The following PHF14 variants were observed in gnomAD, a reference collection of about 807,000 sequenced individuals.
PHF14 encodes PHD finger protein 14.
In PHF14, 55 loss-of-function variants were observed where a neutral mutation model predicts 117.9. The observed-to-expected ratio is 0.47, with a 90% CI of 0.38 to 0.58. The LOEUF (loss-of-function observed/expected upper bound fraction) is 0.58, where lower values mean the gene tolerates loss of function less well. PHF14 is among the 20% of genes least tolerant of loss of function. The probability of loss-of-function intolerance (pLI) is 0.00; values close to 1 mark genes in which losing one functional copy is unlikely to be tolerated. For synonymous variants in PHF14, 409 were observed against 368.6 expected (o/e 1.11, Z -1.26); for missense variants, 978 against 1,122.2 (o/e 0.87, Z 1.84).
At chr7:10,990,918 G>A in intron 4 of PHF14, 71 bp downstream of exon 4, 1 of 1,043,258 alleles carries the variant, frequency 9.6e-7, no homozygotes, top group African/African-American at 1.6e-5. Flanking sequence ...TACTAAGGTG[G>A]TTCTACAATA....
chr7:11,067,367 T>G (rs1004544075), intron 16 of PHF14, among the ~76,000 whole-genome samples: 10 of 152,180 alleles, frequency 6.6e-5, no homozygotes, highest in Non-Finnish European at 1.5e-4. Context: ...CAATTGCCCT[T>G]GGGAATATAA....
chr7:11,008,363 G>A (rs1448902033), intron 4 of PHF14, among the ~76,000 whole-genome samples: 1 of 152,178 alleles, frequency 6.6e-6, no homozygotes, highest in African/African-American at 2.4e-5. Flanking sequence ...CAACCAGGTG[G>A]TACTGGTCCT....
intron 17 of PHF14, among the ~76,000 whole-genome samples, chr7:11,148,259 A>T (rs544386987): frequency 6.6e-6 from 1 of 152,344 alleles, no homozygotes; most frequent in Admixed American, 6.5e-5. Flanking sequence ...TAAACCCTCC[A>T]GTGGCTTCTC....
At chr7:11,112,350 A>G (rs1787474779) in intron 17 of PHF14, among the ~76,000 whole-genome samples, 2 of 152,208 alleles carry the variant, frequency 1.3e-5, no homozygotes, top group Non-Finnish European at 2.9e-5. Flanking sequence ...TTCTTTTATC[A>G]TTAACTAAAA....
chr7:11,117,546 G>T (rs534953406), intron 17 of PHF14, among the ~76,000 whole-genome samples: 6 of 117,608 alleles, frequency 5.1e-5, no homozygotes, highest in African/African-American at 1.9e-4. Flanking sequence ...TTTCTGCATT[G>T]AAATAAATTC....
chr7:11,056,023 T>C (rs941020034), intron 14 of PHF14, among the ~76,000 whole-genome samples: 15 of 152,290 alleles, frequency 9.8e-5, no homozygotes, highest in Non-Finnish European at 1.9e-4. Context: ...AGTTTTCTAT[T>C]ATCAGACTCA....
At chr7:11,005,576 G>A (rs1305300977) in intron 4 of PHF14, among the ~76,000 whole-genome samples, 1 of 151,956 alleles carries the variant, frequency 6.6e-6, no homozygotes, top group Non-Finnish European at 1.5e-5. Context: ...TCTACAACTT[G>A]CTTTGTTTCA....
At chr7:10,985,705 T>A (rs1331954231) in intron 3 of PHF14, among the ~76,000 whole-genome samples, 1 of 122,648 alleles carries the variant, frequency 8.2e-6, no homozygotes, top group Non-Finnish European at 1.6e-5. Context: ...TAGGCTGGAG[T>A]ACAGTGGCAT....
intron 1 of PHF14, 49 bp from the exon 2 acceptor site, chr7:10,974,784 CCT>C: frequency 6.5e-6 from 6 of 917,250 alleles, no homozygotes; most frequent in South Asian, 3.0e-5. Flanking sequence ...ACAACTCTCC[CCT>C]GTGTTTGGTG....
intron 14 of PHF14, among the ~76,000 whole-genome samples, chr7:11,056,900 A>G (rs973784123): frequency 6.6e-6 from 1 of 151,396 alleles, no homozygotes; most frequent in African/African-American, 2.4e-5. Flanking sequence ...TTTATTCCCC[A>G]GCATAAATCT....
chr7:11,067,149 G>A (rs927934797), intron 16 of PHF14, among the ~76,000 whole-genome samples: 1 of 152,062 alleles, frequency 6.6e-6, no homozygotes, highest in Non-Finnish European at 1.5e-5. Flanking sequence ...AATGGGCATA[G>A]GACTTGAAAA....
chr7:10,986,121 A>G (rs1423593776), intron 3 of PHF14, among the ~76,000 whole-genome samples: 2 of 151,232 alleles, frequency 1.3e-5, no homozygotes, highest in African/African-American at 2.4e-5. Flanking sequence ...GGTGTACGAC[A>G]ACGACTGGCT....
At chr7:11,152,668 TCTG>T (rs1231672912) in intron 17 of PHF14, among the ~76,000 whole-genome samples, 7 of 152,010 alleles carry the variant, frequency 4.6e-5, no homozygotes, top group Admixed American at 3.9e-4. Flanking sequence ...AAACAGAAAA[TCTG>T]CTGTCGTGGA....
At chr7:11,069,843 CTAT>C (rs1400715136) in intron 16 of PHF14, among the ~76,000 whole-genome samples, 4 of 147,836 alleles carry the variant, frequency 2.7e-5, no homozygotes, top group African/African-American at 1.0e-4. Flanking sequence ...CCCAGCTGTT[CTAT>C]TATTTATTTA....
At chr7:10,990,608 TATA>T (rs564758444) in intron 3 of PHF14, 92 bp from the exon 4 acceptor site, 599 of 698,720 alleles carry the variant, frequency 8.6e-4, no homozygotes, top group Admixed American at 1.4e-3. Flanking sequence ...TGGAAATGCA[TATA>T]ATAATGTTTA....
intron 2 of PHF14, among the ~76,000 whole-genome samples, chr7:10,981,957 A>G (rs1459510349): frequency 2.6e-5 from 4 of 152,194 alleles, no homozygotes; most frequent in Non-Finnish European, 5.9e-5. Flanking sequence ...ACAAGTCCAT[A>G]TAGTTTATAA....
At position 11,061,772 on chromosome 7, in the gene PHF14, T is replaced by G. The variant is rs2128329611; in HGVS notation, c.2482-19T>G. On this transcript the variant is annotated intron_variant, in intron 14 of 17. Coordinates refer to ENST00000634607, the MANE Select transcript of PHF14 (RefSeq NM_001007157.2). ...ACTGTGGATTTTTGTTTTTTGTTTTTTTTTTTGTTTTTTTCCAGAGAACCA... is the reference window on the plus strand; with the variant it reads ...ACTGTGGATTTTTGTTTTTTGTTTTGTTTTTTGTTTTTTTCCAGAGAACCA... 1.3e-6 allele frequency: 2 copies of G among 1,493,648 alleles called. No individual in the cohort carries two copies. Among genetic ancestry groups the G allele is most frequent in the South Asian group, 2.8e-5 (2 of 72,706 alleles). The allele number at this position is 1,493,648 out of a possible 1,614,324, so 92.5% of individuals were successfully genotyped here.
intron 16 of PHF14, among the ~76,000 whole-genome samples, chr7:11,089,368 C>T (rs1033116679): frequency 2.6e-5 from 4 of 152,082 alleles, no homozygotes; most frequent in East Asian, 1.9e-4. Context: ...AAGCTTGGAT[C>T]GTATTTGAAC....
At chr7:11,143,613 G>A (rs755099584) in intron 17 of PHF14, among the ~76,000 whole-genome samples, 1 of 152,022 alleles carries the variant, frequency 6.6e-6, no homozygotes, top group Admixed American at 6.6e-5. Context: ...ACCTACCTTC[G>A]AGAGATTACC....
Sources: allele counts gnomAD v4.1 joint callset (sites outside exome capture counted in the v4.1 genomes callset), GRCh38; gene constraint gnomAD v4.1.1; transcripts MANE v1.5; gene names NCBI Gene and HGNC (gene_info 2026-07-23, HGNC 2026-07-21).